Variants in BBS9 observed in about 807,000 individuals in gnomAD.
The protein encoded by BBS9 is Bardet-Biedl syndrome 9.
BBS9 carries 89 observed loss-of-function variants against 117.7 expected under a neutral mutation model. That is an observed-to-expected ratio of 0.76 (90% confidence interval 0.64 to 0.90). The LOEUF is 0.90. Ranked by LOEUF, BBS9 falls within the 40% of genes least tolerant of loss-of-function variation. The pLI, the probability that BBS9 is intolerant of heterozygous loss-of-function variation, is 0.00. For missense variants in BBS9, 982 were observed against 1,042.2 expected (o/e 0.94, Z 0.80); for synonymous variants, 379 against 370.9 (o/e 1.02, Z -0.25).
intron 21 of BBS9, among the ~76,000 whole-genome samples, chr7:33,565,781 G>GTATGTA (rs1554539530): frequency 3.0e-5 from 2 of 65,690 alleles, no homozygotes; most frequent in Non-Finnish European, 6.3e-5. Context: ...GCTATCAGTA[G>GTATGTA]TATATATATA....
At chr7:33,155,347 T>C (rs370176547) in intron 3 of BBS9, among the ~76,000 whole-genome samples, 2 of 152,222 alleles carry the variant, frequency 1.3e-5, no homozygotes, top group African/African-American at 4.8e-5. Context: ...TGGATTTCTT[T>C]ATTGAAAGAA....
At chr7:33,577,747 T>C (rs1585333024) in intron 21 of BBS9, among the ~76,000 whole-genome samples, 1 of 152,166 alleles carries the variant, frequency 6.6e-6, no homozygotes, top group Non-Finnish European at 1.5e-5. Context: ...ATCATGTCCT[T>C]TGCAGGGACA....
At chr7:33,288,050 C>T (rs1269578223) in intron 9 of BBS9, among the ~76,000 whole-genome samples, 2 of 152,114 alleles carry the variant, frequency 1.3e-5, no homozygotes, top group African/African-American at 4.8e-5. Context: ...AAAATTCTGT[C>T]TCCTGAAACA....
At chr7:33,263,193 A>G (rs927071964) in intron 6 of BBS9, among the ~76,000 whole-genome samples, 1 of 152,170 alleles carries the variant, frequency 6.6e-6, no homozygotes, top group Admixed American at 6.6e-5. Context: ...TCTGCATTCA[A>G]CTGAAGTTAC....
chr7:33,131,988 T>G (rs1414241341), intron 1 of BBS9, among the ~76,000 whole-genome samples: 1 of 152,230 alleles, frequency 6.6e-6, no homozygotes, highest in Non-Finnish European at 1.5e-5. Context: ...GGAGATTATC[T>G]CCCATTTATT....
intron 19 of BBS9, among the ~76,000 whole-genome samples, chr7:33,497,416 A>G (rs1350208715): frequency 6.6e-6 from 1 of 152,120 alleles, no homozygotes; most frequent in Non-Finnish European, 1.5e-5. Flanking sequence ...CGTACTGGAA[A>G]ATTGTGGGCA....
At chr7:33,621,201 G>A (rs1345766851) in intron 21 of BBS9, among the ~76,000 whole-genome samples, 1 of 152,132 alleles carries the variant, frequency 6.6e-6, no homozygotes, top group Admixed American at 6.5e-5. Flanking sequence ...AGACAAAGGG[G>A]ATTTCATTAA....
chr7:33,549,645 G>A (rs1465278321), intron 21 of BBS9, among the ~76,000 whole-genome samples: 1 of 150,706 alleles, frequency 6.6e-6, no homozygotes, highest in Non-Finnish European at 1.5e-5. Context: ...CTCAAAAGAA[G>A]ACGTTTATGC....
intron 1 of BBS9, among the ~76,000 whole-genome samples, chr7:33,140,165 C>T (rs1047072185): frequency 2.0e-5 from 3 of 152,234 alleles, no homozygotes; most frequent in Admixed American, 6.5e-5. Context: ...GCTGGGACTA[C>T]AGGCACCCGC....
chr7:33,304,703 G>A (rs1215982142), intron 9 of BBS9, among the ~76,000 whole-genome samples: 1 of 152,102 alleles, frequency 6.6e-6, no homozygotes, highest in African/African-American at 2.4e-5. Context: ...AGAAAAGGGG[G>A]AAATGTGGGG....
intron 9 of BBS9, 25 bp downstream of exon 9, chr7:33,273,981 T>G: frequency 6.2e-7 from 1 of 1,611,890 alleles, no homozygotes; most frequent in Non-Finnish European, 8.5e-7. Flanking sequence ...TTAACACAGT[T>G]TTTAAAGAGG....
intron 20 of BBS9, among the ~76,000 whole-genome samples, chr7:33,526,726 C>T (rs1180234270): frequency 1.3e-5 from 2 of 150,118 alleles, no homozygotes; most frequent in Non-Finnish European, 3.0e-5. Context: ...ATTTGATCGT[C>T]TGAAGCCTTC....
chr7:33,363,170 T>C (rs1820947897), intron 16 of BBS9, among the ~76,000 whole-genome samples: 1 of 152,206 alleles, frequency 6.6e-6, no homozygotes, highest in African/African-American at 2.4e-5. Context: ...TGGTACAATC[T>C]CGTCTCACTG....
chr7:33,277,430 C>A (rs897019710), intron 9 of BBS9, among the ~76,000 whole-genome samples: 1 of 152,126 alleles, frequency 6.6e-6, no homozygotes, highest in Non-Finnish European at 1.5e-5. Context: ...TATTTTCCTG[C>A]AGACAGCTGA....
intron 1 of BBS9, among the ~76,000 whole-genome samples, chr7:33,144,000 A>G (rs1225080984): frequency 6.6e-6 from 1 of 152,080 alleles, no homozygotes; most frequent in African/African-American, 2.4e-5. Context: ...CTTATCATAT[A>G]TATGACTTGC....
intron 4 of BBS9, among the ~76,000 whole-genome samples, chr7:33,159,050 C>T (rs1794475698): frequency 6.6e-6 from 1 of 151,966 alleles, no homozygotes; most frequent in Non-Finnish European, 1.5e-5. Flanking sequence ...TTTGATTGGC[C>T]AAAACTCAGT....
At chr7:33,303,066 T>G (rs1369531283) in intron 9 of BBS9, among the ~76,000 whole-genome samples, 2 of 152,172 alleles carry the variant, frequency 1.3e-5, no homozygotes, top group Admixed American at 1.3e-4. Flanking sequence ...ATTTTTCAGA[T>G]TGTTCATTGT....
chr7:33,304,367 G>A (rs1178426022), intron 9 of BBS9, among the ~76,000 whole-genome samples: 5 of 140,368 alleles, frequency 3.6e-5, no homozygotes, highest in Admixed American at 3.4e-4. Flanking sequence ...GAGGTGAGGA[G>A]CACCTCTGCC....
intron 16 of BBS9, among the ~76,000 whole-genome samples, chr7:33,361,912 C>CCAT (rs1315368595): frequency 6.6e-6 from 1 of 151,998 alleles, no homozygotes; most frequent in African/African-American, 2.4e-5. Flanking sequence ...GACTTTTGTA[C>CCAT]CATAAATCAC....
Sources: allele counts gnomAD v4.1 joint callset (sites outside exome capture counted in the v4.1 genomes callset), GRCh38; gene constraint gnomAD v4.1.1; transcripts MANE v1.5; gene names NCBI Gene and HGNC (gene_info 2026-07-23, HGNC 2026-07-21).